Variants in REXO5 observed in about 807,000 individuals in gnomAD.
The protein encoded by REXO5 is exonuclease NEF-sp.
In REXO5, 48 loss-of-function variants were observed where a neutral mutation model predicts 88.5. That is an observed-to-expected ratio of 0.54 (90% CI 0.43 to 0.69). REXO5 has a LOEUF of 0.69. REXO5 is among the 30% of genes least tolerant of loss of function. REXO5 has a pLI of 0.00. For missense variants in REXO5, 749 were observed against 912.2 expected (o/e 0.82, Z 2.30); for synonymous variants, 311 against 336.5 (o/e 0.92, Z 0.83).
chr16:20,819,646 T>A (rs1169016912), intron 5 of REXO5, among the ~76,000 whole-genome samples: 2 of 151,252 alleles, frequency 1.3e-5, no homozygotes, highest in East Asian at 3.9e-4. Context: ...TCCCAGCTAC[T>A]CAGGAGGCTG....
chr16:20,821,207 G>C (rs2081179023), intron 5 of REXO5: 1 of 152,040 alleles, frequency 6.6e-6, no homozygotes, highest in South Asian at 2.1e-4. Flanking sequence ...CTTGATCTCT[G>C]ACACTCTATT....
Position 20,824,570 on chromosome 16 carries a change from G to C in REXO5, c.705+43G>C, listed in dbSNP as rs151327579. 303 of 1,185,294 alleles carry C rather than the reference G, an allele frequency of 2.6e-4. No individual in the cohort carries two copies. In the African/African-American group the frequency reaches 3.9e-3, roughly 15 times the overall value. The allele number at this position is 1,185,294 out of a possible 1,614,324, so 73.4% of individuals were successfully genotyped here. ...TTTTTCAATTGGAGTGTTGCAAGCT[G>C]AGGTCTAGTAGAAAATGATTTCTTG... On this transcript the variant is annotated intron_variant, in intron 7 of 19. Transcript: ENST00000261377.
intron 14 of REXO5, 135 bp from the exon 15 acceptor site, chr16:20,840,196 C>G: frequency 2.8e-6 from 2 of 705,290 alleles, no homozygotes; most frequent in Non-Finnish European, 4.3e-6. Context: ...AATAATACTT[C>G]AGTGAACATC....
intron 7 of REXO5, 45 bp from the exon 8 acceptor site, chr16:20,825,788 A>G (rs1256765563): frequency 1.5e-6 from 2 of 1,366,822 alleles, no homozygotes; most frequent in African/African-American, 2.9e-5. Flanking sequence ...AGAAGAAGCA[A>G]TAACTTCCAC....
At chr16:20,806,812 A>G (rs933903378) in intron 1 of REXO5, 107 bp downstream of exon 1, 6 of 1,311,854 alleles carry the variant, frequency 4.6e-6, no homozygotes, top group East Asian at 2.5e-5. Context: ...GAACGGGGAT[A>G]GTTCGGTAAA....
chr16:20,807,722 C>G (rs2080917486), intron 2 of REXO5, among the ~76,000 whole-genome samples: 1 of 145,332 alleles, frequency 6.9e-6, no homozygotes, highest in Non-Finnish European at 1.5e-5. Context: ...GGCAATATAG[C>G]AAGGACCCCA....
chr16:20,841,277 T>TA, intron 15 of REXO5, among the ~76,000 whole-genome samples: 1 of 152,266 alleles, frequency 6.6e-6, no homozygotes, highest in South Asian at 2.1e-4. Flanking sequence ...TATCAATAGA[T>TA]AAAGTTTATA....
At chr16:20,823,249 T>C (rs1544405) in intron 6 of REXO5, among the ~76,000 whole-genome samples, 27,328 of 152,162 alleles carry the variant, frequency 0.18, 2,680 homozygotes, top group African/African-American at 0.26. Flanking sequence ...ATGGAATTAT[T>C]GGAGTTCTTA....
At chr16:20,823,138 A>T (rs2081210456) in intron 6 of REXO5, among the ~76,000 whole-genome samples, 1 of 152,104 alleles carries the variant, frequency 6.6e-6, no homozygotes, top group Non-Finnish European at 1.5e-5. Context: ...TTGGCTGATG[A>T]TTTTGAGCAA....
intron 2 of REXO5, among the ~76,000 whole-genome samples, chr16:20,812,489 T>C (rs2081014873): frequency 6.6e-6 from 1 of 152,130 alleles, no homozygotes; most frequent in Non-Finnish European, 1.5e-5. Context: ...AGCGCCACTG[T>C]ACTCCATCCT....
rs1240932345 is a variant in REXO5, at chr16:20,849,477, G to A, written c.2322G>A (p.Ser774=). 1.9e-6 allele frequency: 3 copies of A among 1,613,924 alleles called. No homozygotes were observed. Among genetic ancestry groups the A allele is most frequent in the South Asian group, 1.1e-5 (1 of 91,082 alleles). The part of the protein sequence containing the change: ...EEESAGPGLC[S] ...AAAGCGCTGGCCCAGGCCTGTGTTC[G>A]TGAGTCGGCCTGCCATGTTTCCATG... The change falls in exon 20 of 20, where the codon TCG becomes TCA. Residue 774 remains serine (S), a synonymous_variant. Coordinates refer to ENST00000261377, the MANE Select transcript of REXO5 (RefSeq NM_030941.3).
intron 4 of REXO5, among the ~76,000 whole-genome samples, chr16:20,815,449 G>T (rs914981081): frequency 6.6e-6 from 1 of 152,060 alleles, no homozygotes; most frequent in Non-Finnish European, 1.5e-5. Context: ...CCATTTTCCC[G>T]TAGCCTCTTC....
chr16:20,835,010 G>A (rs1213340400), intron 13 of REXO5, among the ~76,000 whole-genome samples: 1 of 152,024 alleles, frequency 6.6e-6, no homozygotes, highest in African/African-American at 2.4e-5. Flanking sequence ...TTTTTGTATT[G>A]GATGCCAGAC....
Position 20,844,524 on chromosome 16 carries a change from A to T in REXO5, c.1720-105A>T, listed in dbSNP as rs141949070. The T allele has an allele frequency of 3.2e-4, 309 of 957,948 alleles. 1 individual carries two copies. In the African/African-American group the frequency reaches 4.6e-3, roughly 14 times the overall value. The allele number at this position is 957,948 out of a possible 1,614,324, so 59.3% of individuals were successfully genotyped here. A position where few individuals can be genotyped will look rare whatever the true frequency, so the allele number is the denominator to read the frequency against. On this transcript the variant is annotated intron_variant, in intron 16 of 19. Coordinates refer to ENST00000261377, the MANE Select transcript of REXO5 (RefSeq NM_030941.3). Reference sequence around the variant, plus strand: ...AAGAAAAGAAACGGAAAATTTTAGGAAACTGAAAAATGAAGTTATTAGTAA... The same window carrying T: ...AAGAAAAGAAACGGAAAATTTTAGGTAACTGAAAAATGAAGTTATTAGTAA...
chr16:20,806,822 A>G, intron 1 of REXO5, 117 bp downstream of exon 1: 1 of 1,374,004 alleles, frequency 7.3e-7, no homozygotes, highest in Non-Finnish European at 9.7e-7. Context: ...AGTTCGGTAA[A>G]CTGAATTGAG....
intron 7 of REXO5, 104 bp downstream of exon 7, chr16:20,824,631 T>C (rs1325056085): frequency 3.0e-5 from 22 of 732,954 alleles, no homozygotes; most frequent in Middle Eastern, 2.5e-4. Flanking sequence ...CATTCATTTT[T>C]AGTATTCTGT....
chr16:20,839,507 C>T (rs1022762649), intron 13 of REXO5, among the ~76,000 whole-genome samples: 17 of 151,756 alleles, frequency 1.1e-4, no homozygotes, highest in African/African-American at 4.1e-4. Context: ...TTGTAATAGC[C>T]CTTGTCTCTT....
At chr16:20,817,910 T>A (rs1421848844) in intron 5 of REXO5, among the ~76,000 whole-genome samples, 2 of 152,240 alleles carry the variant, frequency 1.3e-5, no homozygotes, top group Non-Finnish European at 2.9e-5. Flanking sequence ...TTGGATATTC[T>A]ACTGTCCTCA....
At chr16:20,832,936 A>G in intron 12 of REXO5, 67 bp from the exon 13 acceptor site, 2 of 1,462,476 alleles carry the variant, frequency 1.4e-6, no homozygotes, top group Non-Finnish European at 1.9e-6. Context: ...TAATGCAAGT[A>G]TAGAGAAATA....
Sources: allele counts gnomAD v4.1 joint callset (sites outside exome capture counted in the v4.1 genomes callset), GRCh38; gene constraint gnomAD v4.1.1; transcripts MANE v1.5; gene names NCBI Gene and HGNC (gene_info 2026-07-23, HGNC 2026-07-21).